The following MACROD1 variants were observed in gnomAD, a reference collection of about 807,000 sequenced individuals.
MACROD1 encodes ADP-ribose glycohydrolase MACROD1.
Under a neutral mutation model 41.4 loss-of-function variants are expected in MACROD1, and 31 were observed. That is an observed-to-expected ratio of 0.75 (90% CI 0.56 to 1.01). MACROD1 has a LOEUF of 1.01. MACROD1 is among the 50% of genes least tolerant of loss of function. MACROD1 has a pLI of 0.00. For synonymous variants in MACROD1, 252 were observed against 203.4 expected (o/e 1.24, Z -2.03); for missense variants, 473 against 460.0 (o/e 1.03, Z -0.26).
At chr11:64,028,158 G>A (rs976812557) in intron 3 of MACROD1, among the ~76,000 whole-genome samples, 2 of 152,202 alleles carry the variant, frequency 1.3e-5, no homozygotes, top group Non-Finnish European at 2.9e-5. Flanking sequence ...TCCCCAGTGG[G>A]GAGTGCTGGG....
chr11:64,028,973 A>G (rs1211157220), intron 3 of MACROD1, among the ~76,000 whole-genome samples: 1 of 151,776 alleles, frequency 6.6e-6, no homozygotes, highest in African/African-American at 2.4e-5. Flanking sequence ...TGTTTCCGCA[A>G]CCCCAGCTCT....
intron 3 of MACROD1, among the ~76,000 whole-genome samples, chr11:64,126,555 T>C (rs1014013911): frequency 1.3e-5 from 2 of 152,116 alleles, no homozygotes; most frequent in African/African-American, 4.8e-5. Context: ...TTTCCGGATG[T>C]TAACAGGTTA....
chr11:64,023,648 C>T (rs771230030), intron 3 of MACROD1, among the ~76,000 whole-genome samples: 1 of 152,110 alleles, frequency 6.6e-6, no homozygotes, highest in African/African-American at 2.4e-5. Context: ...CCCAGCTGGG[C>T]ATCCCCACTA....
chr11:64,106,068 T>A (rs1225395461), intron 3 of MACROD1, among the ~76,000 whole-genome samples: 1 of 152,058 alleles, frequency 6.6e-6, no homozygotes, highest in Admixed American at 6.5e-5. Context: ...CAGGCCAGCA[T>A]CCATATCAGT....
chr11:64,117,396 G>A (rs771388314), intron 3 of MACROD1: 4 of 1,612,052 alleles, frequency 2.5e-6, no homozygotes, highest in East Asian at 2.2e-5. Flanking sequence ...CGAGATGGAC[G>A]AGTGTTTTGA....
intron 3 of MACROD1, chr11:64,118,850 T>C (rs1945045934): frequency 6.0e-6 from 1 of 167,282 alleles, no homozygotes; most frequent in Admixed American, 6.5e-5. Context: ...CCCTGGCTTA[T>C]TCCATACCAT....
At chr11:64,121,649 C>A (rs78340266) in intron 3 of MACROD1, among the ~76,000 whole-genome samples, 1 of 152,226 alleles carries the variant, frequency 6.6e-6, no homozygotes, top group Non-Finnish European at 1.5e-5. Flanking sequence ...GCCTCCCCTA[C>A]ACCTCAGACA....
At chr11:64,055,339 C>G (rs1001750850) in intron 3 of MACROD1, among the ~76,000 whole-genome samples, 2 of 152,210 alleles carry the variant, frequency 1.3e-5, no homozygotes, top group African/African-American at 2.4e-5. Context: ...CTTTAAATAC[C>G]AGCTGGAAGC....
chr11:64,083,266 T>C (rs1034224659), intron 3 of MACROD1, among the ~76,000 whole-genome samples: 1 of 152,094 alleles, frequency 6.6e-6, no homozygotes, highest in Non-Finnish European at 1.5e-5. Context: ...TGAAACCCCA[T>C]CTCTACTAAA....
At chr11:64,083,603 G>A (rs1056124230) in intron 3 of MACROD1, among the ~76,000 whole-genome samples, 12 of 152,174 alleles carry the variant, frequency 7.9e-5, no homozygotes, top group African/African-American at 2.7e-4. Flanking sequence ...AGAACGAGCC[G>A]GGAATAAATA....
At chr11:64,143,753 T>TAC (rs55995667) in intron 3 of MACROD1, among the ~76,000 whole-genome samples, 13,758 of 101,322 alleles carry the variant, frequency 0.14, 1,083 homozygotes, top group Middle Eastern at 0.2. Context: ...GACACACACA[T>TAC]ACACACACAC....
intron 3 of MACROD1, among the ~76,000 whole-genome samples, chr11:64,109,055 C>T (rs564814765): frequency 3.9e-5 from 6 of 152,276 alleles, no homozygotes; most frequent in Admixed American, 3.3e-4. Context: ...ACATGCAGGA[C>T]ACTTCCTCTC....
chr11:64,043,373 A>G (rs1943524895), intron 3 of MACROD1, among the ~76,000 whole-genome samples: 1 of 152,178 alleles, frequency 6.6e-6, no homozygotes, highest in South Asian at 2.1e-4. Flanking sequence ...CTTGTGGGGC[A>G]CTGCTGAGCC....
At chr11:63,999,299 G>A (rs1942774132) in intron 8 of MACROD1, 32 bp downstream of exon 8, 2 of 1,547,100 alleles carry the variant, frequency 1.3e-6, no homozygotes, top group South Asian at 2.3e-5. Context: ...GCCGGGATGC[G>A]GACCCCACCC....
intron 3 of MACROD1, among the ~76,000 whole-genome samples, chr11:64,125,142 A>T (rs1408589070): frequency 1.9e-5 from 2 of 106,428 alleles, no homozygotes; most frequent in Non-Finnish European, 4.3e-5. Flanking sequence ...GTGCCAGGAG[A>T]GAGTGAGGGT....
At chr11:64,074,055 A>AGCTGGG (rs1944157519) in intron 3 of MACROD1, among the ~76,000 whole-genome samples, 1 of 152,178 alleles carries the variant, frequency 6.6e-6, no homozygotes, top group African/African-American at 2.4e-5. Flanking sequence ...CAGCCCGGCC[A>AGCTGGG]GCTGGGGATG....
intron 3 of MACROD1, among the ~76,000 whole-genome samples, chr11:64,048,375 G>T (rs923568867): frequency 1.3e-5 from 2 of 152,228 alleles, no homozygotes; most frequent in Non-Finnish European, 2.9e-5. Context: ...AGAGGCCCTT[G>T]TCTGTGGAGG....
At chr11:64,083,660 G>A (rs1944341949) in intron 3 of MACROD1, among the ~76,000 whole-genome samples, 1 of 152,222 alleles carries the variant, frequency 6.6e-6, no homozygotes, top group African/African-American at 2.4e-5. Context: ...AGATGCCAAC[G>A]CCGGGTCAGA....
Position 64,165,775 on chromosome 11 carries a change from C to A in MACROD1, c.220G>T (p.Gly74Trp). 6.7e-7 allele frequency: 1 copy of A among 1,495,204 alleles called. No homozygotes were observed. Among genetic ancestry groups the A allele is most frequent in the Non-Finnish European group, 8.9e-7 (1 of 1,128,408 alleles). 92.6% of individuals were successfully genotyped at this position (1,495,204 alleles called of 1,614,324 possible). Reference sequence around the variant, plus strand: ...GCCAGGGGGGCCCAAGTGCGCACCCCGGCTGTCCGCCCCACCGCCGCCGCC... The same window carrying A: ...GCCAGGGGGGCCCAAGTGCGCACCCAGGCTGTCCGCCCCACCGCCGCCGCC... ...WGAAAVGRTAGVRTWAPLAMA... is the reference protein window; with the variant it reads ...WGAAAVGRTAWVRTWAPLAMA... Residue 74 changes from glycine (G) to tryptophan (W), a missense_variant, in exon 1 of 11, where the codon GGG becomes TGG. Transcript: ENST00000255681.
Sources: gnomAD v4.1 joint callset for allele counts (sites outside exome capture counted in the v4.1 genomes callset) on GRCh38, gnomAD v4.1.1 for gene constraint, MANE v1.5 for transcripts, NCBI Gene and HGNC (gene_info 2026-07-23, HGNC 2026-07-21) for gene names.